SLIT1: variants seen among roughly 807,000 people sequenced by gnomAD.
SLIT1 encodes slit homolog 1 protein.
A neutral mutation model predicts 186.1 loss-of-function variants in SLIT1; 66 were observed. The ratio of observed to expected loss-of-function variants is 0.35; its 90% CI spans 0.29 to 0.44. The LOEUF (loss-of-function observed/expected upper bound fraction) is 0.44. Among genes scored for constraint, SLIT1 ranks in the 20% least tolerant of loss-of-function variants. SLIT1 has a pLI of 1.00. For missense variants in SLIT1, 1,638 were observed against 2,037.4 expected, an observed-to-expected ratio of 0.80 and a Z score of 3.77; for synonymous variants, 761 against 833.8, an observed-to-expected ratio of 0.91 and a Z score of 1.50.
intron 2 of SLIT1, among the ~76,000 whole-genome samples, chr10:97,163,785 G>A (rs1309640658): frequency 6.6e-6 from 1 of 152,236 alleles, no homozygotes; most frequent in Admixed American, 6.5e-5. Context: ...CTCCAATCAG[G>A]CTCCAGGGAG....
chr10:97,146,806 G>A (rs963331712), intron 4 of SLIT1, among the ~76,000 whole-genome samples: 27 of 152,222 alleles, frequency 1.8e-4, no homozygotes, highest in South Asian at 1.7e-3. Flanking sequence ...TTCAGCCTTC[G>A]GACAGTGTCT....
chr10:97,063,768 A>T lies in SLIT1; in HGVS notation c.630-150T>A, dbSNP rs1457377732. The stretch of plus-strand genomic sequence containing the variant: ...TAGTCAAGTAGACGGCTCAGCTCCA[A>T]CCCGGGGATTATCCACAGCCCCGTG... On this transcript the variant is annotated intron_variant, in intron 7 of 36. Coordinates refer to ENST00000266058, the MANE Select transcript of SLIT1 (RefSeq NM_003061.3). 6.0e-6 allele frequency: 5 copies of T among 837,572 alleles called. 1 individual carries two copies. In the East Asian group the frequency reaches 1.1e-4, roughly 18 times the overall value. The allele number at this position is 837,572 out of a possible 1,614,324, so 51.9% of individuals were successfully genotyped here.
At chr10:97,039,172 G>A (rs1197346086) in intron 21 of SLIT1, among the ~76,000 whole-genome samples, 2 of 152,214 alleles carry the variant, frequency 1.3e-5, no homozygotes, top group East Asian at 1.9e-4. Context: ...GGGGTGGGGG[G>A]AGAAAAGCTC....
chr10:97,096,387 G>C (rs748647013), intron 4 of SLIT1, among the ~76,000 whole-genome samples: 1 of 148,290 alleles, frequency 6.7e-6, no homozygotes, highest in South Asian at 2.2e-4. Flanking sequence ...GAGCCCCCCC[G>C]CCAGCGCCCT....
intron 6 of SLIT1, among the ~76,000 whole-genome samples, chr10:97,064,571 C>T (rs889039901): frequency 6.6e-6 from 1 of 152,104 alleles, no homozygotes; most frequent in Non-Finnish European, 1.5e-5. Flanking sequence ...GAGAAGCATT[C>T]CAGGCCAAGT....
intron 4 of SLIT1, among the ~76,000 whole-genome samples, chr10:97,072,017 G>A (rs1564667762): frequency 6.6e-6 from 1 of 152,332 alleles, no homozygotes; most frequent in African/African-American, 2.4e-5. Context: ...ATGCAAAGAC[G>A]CTGGGGCATG....
chr10:97,100,190 A>G (rs1244964502), intron 4 of SLIT1, among the ~76,000 whole-genome samples: 1 of 152,162 alleles, frequency 6.6e-6, no homozygotes, highest in Non-Finnish European at 1.5e-5. Context: ...TTTGACATGA[A>G]TACGCCCCTT....
chr10:97,081,197 G>A (rs1298769783), intron 4 of SLIT1, among the ~76,000 whole-genome samples: 1 of 152,168 alleles, frequency 6.6e-6, no homozygotes, highest in Non-Finnish European at 1.5e-5. Context: ...GAGAACTGAG[G>A]AGAGGAGTGA....
chr10:97,056,390 G>C lies in SLIT1; in HGVS notation c.1232C>G (p.Ser411Cys). 1 of 1,614,216 alleles carries C rather than the reference G, an allele frequency of 6.2e-7. No homozygotes were observed. Among genetic ancestry groups the C allele is most frequent in the Non-Finnish European group, 8.5e-7 (1 of 1,180,018 alleles). Reference sequence around the variant, plus strand: ...GCTCTGGATCTTGTTGTCATACAGGGAGAGCAGTGAGAGGTTCTGCAGGTC... The same window carrying C: ...GCTCTGGATCTTGTTGTCATACAGGCAGAGCAGTGAGAGGTTCTGCAGGTC... ...FQDLQNLSLL[S>C]LYDNKIQSLA... The change falls in exon 13 of 37, where the codon TCC (serine) becomes TGC (cysteine). Residue 411 changes from serine to cysteine, a missense_variant. Around this residue, in one of 3 missense-constraint regions of SLIT1, gnomAD observed 1,245 missense variants for 1,535.3 expected, o/e 0.81. Coordinates refer to ENST00000266058, the MANE Select transcript of SLIT1 (RefSeq NM_003061.3).
At chr10:97,003,046 G>T in intron 34 of SLIT1, 54 bp from the exon 35 acceptor site, 1 of 1,553,692 alleles carries the variant, frequency 6.4e-7, no homozygotes, top group Non-Finnish European at 8.8e-7. Context: ...GCTATGCCGG[G>T]CACCCACCCC....
chr10:97,172,383 G>A (rs1054734098), intron 1 of SLIT1, among the ~76,000 whole-genome samples: 1 of 152,126 alleles, frequency 6.6e-6, no homozygotes, highest in Non-Finnish European at 1.5e-5. Flanking sequence ...TTCCCTGACT[G>A]ATGTCCCAGC....
intron 4 of SLIT1, chr10:97,157,454 C>T: frequency 3.9e-6 from 1 of 254,662 alleles, no homozygotes; most frequent in Non-Finnish European, 7.4e-6. Context: ...AGTAAATATT[C>T]AGCTCCAGGC....
Position 97,055,945 on chromosome 10 carries a change from C to T in SLIT1, c.1301+376G>A, listed in dbSNP as rs901811469. On this transcript the variant is annotated intron_variant, in intron 13 of 36. Transcript: ENST00000266058. Reference sequence around the variant, plus strand: ...AACAACATGTGTCTTAGAATCAGCGCGATATATTATCATCATCATCACCAT... The same window carrying T: ...AACAACATGTGTCTTAGAATCAGCGTGATATATTATCATCATCATCACCAT... 3.3e-5 allele frequency among the ~76,000 whole-genome samples: 5 copies of T among 152,082 alleles called. No individual in the cohort carries two copies. In the South Asian group the frequency reaches 6.2e-4, roughly 19 times the overall value.
At chr10:97,106,349 C>T (rs1849414225) in intron 4 of SLIT1, among the ~76,000 whole-genome samples, 1 of 151,858 alleles carries the variant, frequency 6.6e-6, no homozygotes, top group African/African-American at 2.4e-5. Flanking sequence ...AGAAATGAGG[C>T]CTATGTGGAA....
chr10:97,002,039 C>T lies in SLIT1; in HGVS notation c.4366+119G>A, dbSNP rs530411576. On this transcript the variant is annotated intron_variant, in intron 36 of 36. Coordinates refer to ENST00000266058, the MANE Select transcript of SLIT1 (RefSeq NM_003061.3). ...AGGGACTCTGAAAGCCCCATAGTAGCCCATGGTACAGGGCTGGGAAGGGAC... is the reference window on the plus strand; with the variant it reads ...AGGGACTCTGAAAGCCCCATAGTAGTCCATGGTACAGGGCTGGGAAGGGAC... The T allele has an allele frequency of 2.9e-5, 17 of 576,936 alleles. 1 individual carries two copies. In the South Asian group the frequency reaches 6.1e-4, roughly 21 times the overall value. The allele number at this position is 576,936 out of a possible 1,614,324, so 35.7% of individuals were successfully genotyped here.
At chr10:97,030,688 G>T in intron 25 of SLIT1, 69 bp downstream of exon 25, 1 of 1,257,908 alleles carries the variant, frequency 7.9e-7, no homozygotes, top group Non-Finnish European at 1.2e-6. Context: ...CTCAGGAGGT[G>T]GGATCTTCTC....
intron 4 of SLIT1, among the ~76,000 whole-genome samples, chr10:97,140,156 CCT>C (rs1849743058): frequency 1.3e-5 from 2 of 151,992 alleles, no homozygotes; most frequent in Admixed American, 1.3e-4. Flanking sequence ...AAGAGTGGCC[CCT>C]GTCTCCCTGC....
intron 21 of SLIT1, among the ~76,000 whole-genome samples, chr10:97,039,226 G>C (rs1376448056): frequency 6.6e-6 from 1 of 152,202 alleles, no homozygotes; most frequent in Non-Finnish European, 1.5e-5. Flanking sequence ...CACAGGAAGA[G>C]GTCAGAGGTC....
intron 13 of SLIT1, among the ~76,000 whole-genome samples, chr10:97,052,543 G>A (rs562349300): frequency 3.9e-5 from 6 of 152,338 alleles, no homozygotes; most frequent in South Asian, 2.1e-4. Flanking sequence ...AAGTTGAATC[G>A]TAGTGATAGT....
Sources: gnomAD v4.1 joint callset for allele counts (sites outside exome capture counted in the v4.1 genomes callset) on GRCh38, gnomAD v4.1.1 for gene constraint, gnomAD v4.1.1 regional missense constraint, MANE v1.5 for transcripts, NCBI Gene and HGNC (gene_info 2026-07-23, HGNC 2026-07-21) for gene names.